Variants in HKDC1 observed in about 807,000 individuals in gnomAD.
HKDC1 encodes the protein hexokinase HKDC1.
In HKDC1, 66 loss-of-function variants were observed where a neutral mutation model predicts 96.6. The ratio of observed to expected loss-of-function variants is 0.68; its 90% CI spans 0.56 to 0.84. The LOEUF (loss-of-function observed/expected upper bound fraction) is 0.84. HKDC1 is among the 40% of genes least tolerant of loss of function. HKDC1 has a pLI of 0.00. For synonymous variants in HKDC1, 466 were observed against 473.1 expected, an observed-to-expected ratio of 0.98 and a Z score of 0.20; for missense variants, 1,211 against 1,208.1, an observed-to-expected ratio of 1.00 and a Z score of -0.04.
intron 4 of HKDC1, among the ~76,000 whole-genome samples, chr10:69,235,047 G>A (rs927458390): frequency 6.6e-6 from 1 of 152,152 alleles, no homozygotes. Context: ...AGGATTGCTT[G>A]AGCCAGGGAG....
intron 2 of HKDC1, among the ~76,000 whole-genome samples, chr10:69,231,819 G>T (rs949585340): frequency 6.6e-6 from 1 of 152,184 alleles, no homozygotes; most frequent in Non-Finnish European, 1.5e-5. Context: ...GACAGCATCT[G>T]GGAGAACCCT....
At position 69,257,419 on chromosome 10, in the gene HKDC1, G is replaced by T. The variant is rs756498138; in HGVS notation, c.2025G>T (p.Leu675=). The change falls in exon 14 of 18, where the codon CTG becomes CTT. Residue 675 remains leucine, a synonymous_variant. Transcript: ENST00000354624. The stretch of plus-strand genomic sequence containing the variant: ...AAGATCCTAATTGTGAGATTGGCCT[G>T]ATTGCAGGTAGGTGGTCAGGCATGG... ...GYEDPNCEIG[L]IAGTGSNMCY... is the part of the protein sequence containing the mutation. 1.9e-6 allele frequency: 3 copies of T among 1,611,432 alleles called. No individual in the cohort carries two copies. In the South Asian group the frequency reaches 3.3e-5, roughly 18 times the overall value.
At chr10:69,233,230 C>T (rs1843301542) in intron 4 of HKDC1, 97 bp downstream of exon 4, 1 of 1,485,196 alleles carries the variant, frequency 6.7e-7, no homozygotes, top group Non-Finnish European at 9.1e-7. Flanking sequence ...ACAGCAGGAG[C>T]TTTCTTGTTT....
intron 12 of HKDC1, among the ~76,000 whole-genome samples, chr10:69,251,334 G>T (rs1462021237): frequency 3.3e-5 from 5 of 151,934 alleles, no homozygotes; most frequent in African/African-American, 1.2e-4. Context: ...GACCTCAGGT[G>T]ATCTACCTGT....
At position 69,247,500 on chromosome 10, in the gene HKDC1, C is replaced by T. The variant is rs1342912409; in HGVS notation, c.1172C>T (p.Ala391Val). 1.5e-5 allele frequency: 24 copies of T among 1,614,030 alleles called. No homozygotes were observed. The highest frequency in any genetic ancestry group is 1.6e-4 in the Middle Eastern group (1 of 6,084). The part of the protein sequence containing the change: ...RSANLCAAAL[A>V]AILTRLRENK... ...GCCAATCTCTGTGCAGCAGCTCTGG[C>T]GGCCATCCTGACACGCCTCCGGGAG... The change falls in exon 9 of 18, where the codon GCG becomes GTG. Residue 391 changes from alanine (A) to valine (V), a missense_variant. Transcript: ENST00000354624.
intron 16 of HKDC1, chr10:69,261,524 G>C (rs1379945964): frequency 4.4e-6 from 2 of 451,358 alleles, no homozygotes; most frequent in African/African-American, 3.8e-5. Context: ...CCCATCCTCA[G>C]GCTGGGCTAA....
In HKDC1 at chr10:69,258,961, TG is replaced by T; in HGVS notation, c.2216+3del. ...GTCCTTGAATCCTGGCAAGCAGAGG[TG>T]AAGAGGGTGGATGTGTGCATTTATG... On this transcript the variant is annotated splice_donor_region_variant and intron_variant, in intron 15 of 17. Transcript: ENST00000354624. The T allele has an allele frequency of 1.3e-6, 2 of 1,561,032 alleles. No homozygotes were observed. Among genetic ancestry groups the T allele is most frequent in the Non-Finnish European group, 1.7e-6 (2 of 1,155,822 alleles).
rs1843040171 is a variant in HKDC1 at position 69,220,367 on chromosome 10, C to G, written c.-69C>G. 1 of 1,273,268 alleles carries G rather than the reference C, an allele frequency of 7.9e-7. No homozygotes were observed. The highest frequency in any genetic ancestry group is 1.1e-6 in the Non-Finnish European group (1 of 922,052). 78.9% of individuals were successfully genotyped at this position (1,273,268 alleles called of 1,614,324 possible). On this transcript the variant is annotated 5_prime_UTR_variant, in exon 1 of 18. Coordinates refer to ENST00000354624, the MANE Select transcript of HKDC1 (RefSeq NM_025130.4). ...GCCTGGACTGGAAGCGTGCAACACT[C>G]CAGAGTCGTAGGAGTGAACACTGCA...
Position 69,233,127 on chromosome 10 carries a change from G to A in HKDC1, c.489G>A (p.Leu163=). The A allele has an allele frequency of 2.5e-6, 4 of 1,613,944 alleles. No homozygotes were observed. The highest frequency in any genetic ancestry group is 3.4e-6 in the Non-Finnish European group (4 of 1,179,992). The change falls in exon 4 of 18, where the codon CTG becomes CTA. Residue 163 remains leucine (L), a synonymous_variant. Coordinates refer to ENST00000354624, the MANE Select transcript of HKDC1 (RefSeq NM_025130.4). The stretch of plus-strand genomic sequence containing the variant: ...CTTTCCCCTGTCGACAGACTAAACT[G>A]GAAGAGGTAAGGCGCGGAGGGAAGC... ...TFSFPCRQTK[L]EEGVLLSWTK...
chr10:69,224,465 G>T (rs1190784782), intron 1 of HKDC1, among the ~76,000 whole-genome samples: 1 of 151,954 alleles, frequency 6.6e-6, no homozygotes, highest in Admixed American at 6.6e-5. Context: ...TGTATTTTTA[G>T]TAGAGACATG....
At chr10:69,232,379 G>C in intron 2 of HKDC1, 1 of 211,256 alleles carries the variant, frequency 4.7e-6, no homozygotes, top group South Asian at 8.0e-5. Flanking sequence ...ACCTTTATCC[G>C]AGTTTCCCCA....
intron 2 of HKDC1, among the ~76,000 whole-genome samples, chr10:69,228,603 C>T (rs537897637): frequency 6.6e-5 from 10 of 152,174 alleles, no homozygotes; most frequent in Admixed American, 2.6e-4. Flanking sequence ...TGGTGGCTCA[C>T]GCCTGTAATC....
chr10:69,265,961 C>T, intron 17 of HKDC1, 143 bp downstream of exon 17: 1 of 655,788 alleles, frequency 1.5e-6, no homozygotes, highest in Non-Finnish European at 2.7e-6. Flanking sequence ...GGTCAAGTCA[C>T]CTATTCAATC....
chr10:69,246,121 C>T lies in HKDC1; in HGVS notation c.918C>T (p.Val306=), dbSNP rs1210027914. Residue 306 remains valine (V), a synonymous_variant, in exon 8 of 18, where the codon GTC becomes GTT. Coordinates refer to ENST00000354624, the MANE Select transcript of HKDC1 (RefSeq NM_025130.4). ...GTGGCCTGTACCTGGGGGAGCTTGT[C>T]AGGCTTATCTTGCTGAAGATGGCCA... The part of the protein sequence containing the change: ...MISGLYLGEL[V]RLILLKMAKA... 3 of 1,614,234 alleles carry T rather than the reference C, an allele frequency of 1.9e-6. No homozygotes were observed. Among genetic ancestry groups the T allele is most frequent in the Non-Finnish European group, 2.5e-6 (3 of 1,180,042 alleles).
chr10:69,234,572 A>G (rs1439027626), intron 4 of HKDC1, among the ~76,000 whole-genome samples: 1 of 152,202 alleles, frequency 6.6e-6, no homozygotes, highest in African/African-American at 2.4e-5. Flanking sequence ...CTCATTTGTA[A>G]AGCAGGGATA....
intron 1 of HKDC1, among the ~76,000 whole-genome samples, chr10:69,226,686 A>T (rs949451880): frequency 6.6e-6 from 1 of 152,056 alleles, no homozygotes; most frequent in South Asian, 2.1e-4. Flanking sequence ...TTAAAGGGCT[A>T]GATTTAGGCA....
rs545087108 is a variant in HKDC1 at position 69,243,245 on chromosome 10, A to C, written c.755A>C (p.Glu252Ala). The C allele has an allele frequency of 9.9e-6, 16 of 1,614,150 alleles. No individual in the cohort carries two copies. Among genetic ancestry groups the C allele is most frequent in the Middle Eastern group, 1.6e-4 (1 of 6,062 alleles). ...AACATTGACCTGGTGGAGGGCGACGAGGGCAGGATGTGCATCAACACAGAG... is the reference window on the plus strand; with the variant it reads ...AACATTGACCTGGTGGAGGGCGACGCGGGCAGGATGTGCATCAACACAGAG... ...MSNIDLVEGD[E>A]GRMCINTEWG... Residue 252 changes from glutamate (E) to alanine (A), a missense_variant, in exon 7 of 18, where the codon GAG (glutamate) becomes GCG (alanine). Physicochemically the swap from Glu to Ala is moderately radical, Grantham distance 107 (BLOSUM62 -1). Transcript: ENST00000354624.
At chr10:69,243,940 C>T (rs7896577) in intron 7 of HKDC1, among the ~76,000 whole-genome samples, 2,236 of 152,274 alleles carry the variant, frequency 0.015, 44 homozygotes, top group African/African-American at 0.051. Flanking sequence ...TTGTGGGTTA[C>T]GTATGTGCAT....
Position 69,246,153 on chromosome 10 carries a change from G to T in HKDC1, c.950G>T (p.Gly317Val). 1 of 1,614,246 alleles carries T rather than the reference G, an allele frequency of 6.2e-7. No individual in the cohort carries two copies. The highest frequency in any genetic ancestry group is 8.5e-7 in the Non-Finnish European group (1 of 1,180,050). ...ATCTTGCTGAAGATGGCCAAGGCTGGCCTCCTGTTTGGTGGTGAGAAATCT... is the reference window on the plus strand; with the variant it reads ...ATCTTGCTGAAGATGGCCAAGGCTGTCCTCCTGTTTGGTGGTGAGAAATCT... ...RLILLKMAKA[G>V]LLFGGEKSSA... The change falls in exon 8 of 18, where the codon GGC becomes GTC. Residue 317 changes from glycine (G) to valine (V), a missense_variant. Physicochemically the swap from Gly to Val is moderately radical, Grantham distance 109. Transcript: ENST00000354624.
Sources: allele counts gnomAD v4.1 joint callset (sites outside exome capture counted in the v4.1 genomes callset), GRCh38; gene constraint gnomAD v4.1.1; transcripts MANE v1.5; gene names NCBI Gene and HGNC (gene_info 2026-07-23, HGNC 2026-07-21).